The following KIF16B variants were observed in gnomAD, a reference collection of about 807,000 sequenced individuals.
KIF16B encodes the protein kinesin family member 16B.
In KIF16B, 98 loss-of-function variants were observed where a neutral mutation model predicts 156.3. That is an observed-to-expected ratio of 0.63 (90% CI 0.53 to 0.74). The LOEUF is 0.74. Among genes scored for constraint, KIF16B ranks in the 30% least tolerant of loss-of-function variants. The probability of loss-of-function intolerance (pLI) is 0.00; values close to 1 mark genes in which losing one functional copy is unlikely to be tolerated. For synonymous variants in KIF16B, 564 were observed against 583.7 expected, an observed-to-expected ratio of 0.97 and a Z score of 0.49; for missense variants, 1,421 against 1,606.5, an observed-to-expected ratio of 0.88 and a Z score of 1.97.
chr20:16,463,285 A>G (rs975993682), intron 12 of KIF16B, among the ~76,000 whole-genome samples: 4 of 152,128 alleles, frequency 2.6e-5, no homozygotes, highest in South Asian at 2.1e-4. Context: ...AACCTCAGGT[A>G]TTTCCCTGGA....
At chr20:16,310,678 A>T (rs1026140388) in intron 25 of KIF16B, among the ~76,000 whole-genome samples, 3 of 151,992 alleles carry the variant, frequency 2.0e-5, no homozygotes, top group African/African-American at 7.2e-5. Context: ...TAATTTTTTA[A>T]TTTTTTTTGT....
chr20:16,479,231 T>C (rs2067908362), intron 12 of KIF16B, among the ~76,000 whole-genome samples: 1 of 152,194 alleles, frequency 6.6e-6, no homozygotes, highest in African/African-American at 2.4e-5. Context: ...TGGAAGCCAT[T>C]ATTCTCAACA....
chr20:16,383,709 ATAGTCAAAAAGAATCAT>A (rs2065160289), intron 17 of KIF16B, among the ~76,000 whole-genome samples: 1 of 152,248 alleles, frequency 6.6e-6, no homozygotes, highest in Non-Finnish European at 1.5e-5. Context: ...AGATATTTAC[ATAGTCAAAAAGAATCAT>A]TGGATAAAAT....
intron 24 of KIF16B, among the ~76,000 whole-genome samples, chr20:16,329,952 A>G (rs1432263597): frequency 6.6e-6 from 1 of 152,240 alleles, no homozygotes; most frequent in Non-Finnish European, 1.5e-5. Context: ...ACATGCAGCA[A>G]ATCTGTCCTT....
intron 3 of KIF16B, among the ~76,000 whole-genome samples, chr20:16,516,387 C>A (rs887191394): frequency 1.1e-4 from 16 of 152,152 alleles, no homozygotes; most frequent in African/African-American, 3.9e-4. Flanking sequence ...TTCACCCAGA[C>A]AACTGATGGT....
chr20:16,406,585 G>A, intron 15 of KIF16B, 129 bp from the exon 16 acceptor site: 3 of 811,102 alleles, frequency 3.7e-6, no homozygotes, highest in Non-Finnish European at 5.9e-6. Context: ...GAAAGCTTTA[G>A]TCTCAAAAGT....
At chr20:16,358,845 G>A (rs894833441) in intron 22 of KIF16B, among the ~76,000 whole-genome samples, 1 of 152,212 alleles carries the variant, frequency 6.6e-6, no homozygotes, top group Non-Finnish European at 1.5e-5. Context: ...ACTTACCTTT[G>A]ACTTTCTAAA....
At chr20:16,364,245 A>G (rs1002949931) in intron 22 of KIF16B, among the ~76,000 whole-genome samples, 1 of 152,216 alleles carries the variant, frequency 6.6e-6, no homozygotes, top group East Asian at 1.9e-4. Context: ...AAGTCTGTAA[A>G]ACAGGCAGCT....
chr20:16,389,741 T>C (rs2065318755), intron 17 of KIF16B, among the ~76,000 whole-genome samples: 1 of 152,220 alleles, frequency 6.6e-6, no homozygotes, highest in South Asian at 2.1e-4. Context: ...TAGATGTTCC[T>C]TGAAGGCTAA....
intron 1 of KIF16B, among the ~76,000 whole-genome samples, chr20:16,556,339 G>C (rs576634263): frequency 6.6e-6 from 1 of 152,280 alleles, no homozygotes; most frequent in South Asian, 2.1e-4. Context: ...GAACCAACTG[G>C]TCACTAACTG....
chr20:16,479,531 T>C (rs1447258771), intron 12 of KIF16B, among the ~76,000 whole-genome samples: 1 of 151,920 alleles, frequency 6.6e-6, no homozygotes, highest in African/African-American at 2.4e-5. Flanking sequence ...AAAAAATTAA[T>C]ATTGAATAAA....
chr20:16,289,377 C>G (rs189686947), intron 25 of KIF16B, among the ~76,000 whole-genome samples: 2 of 152,220 alleles, frequency 1.3e-5, no homozygotes, highest in Non-Finnish European at 2.9e-5. Context: ...TAATTTTCCC[C>G]TCTTTTAAAT....
chr20:16,397,275 C>T (rs1417670279), intron 17 of KIF16B, among the ~76,000 whole-genome samples: 1 of 152,190 alleles, frequency 6.6e-6, no homozygotes, highest in Non-Finnish European at 1.5e-5. Context: ...GAACTAACTC[C>T]CAAAGGAAGT....
chr20:16,404,871 T>C lies in KIF16B; in HGVS notation c.1726A>G (p.Met576Val). ...SGLLSSFSLS[M>V]TDLSKSRENL... ...TCACGGGACTTCGAGAGGTCGGTCATGGACAAGCTGAAGGAGGACAGAAGG... is the reference window on the plus strand; with the variant it reads ...TCACGGGACTTCGAGAGGTCGGTCACGGACAAGCTGAAGGAGGACAGAAGG... The change falls in exon 17 of 26, where the codon ATG becomes GTG. Residue 576 changes from methionine to valine, a missense_variant. Transcript: ENST00000354981. 1 of 1,613,376 alleles carries C rather than the reference T, an allele frequency of 6.2e-7. No individual in the cohort carries two copies. Among genetic ancestry groups the C allele is most frequent in the Non-Finnish European group, 8.5e-7 (1 of 1,179,658 alleles).
chr20:16,445,445 T>TGTG (rs1568542633), intron 12 of KIF16B, among the ~76,000 whole-genome samples: 1 of 151,318 alleles, frequency 6.6e-6, no homozygotes, highest in Admixed American at 6.6e-5. Flanking sequence ...TGTGTGTGTG[T>TGTG]TTTAATCTAA....
At chr20:16,350,901 G>T (rs925049194) in intron 23 of KIF16B, among the ~76,000 whole-genome samples, 2 of 150,568 alleles carry the variant, frequency 1.3e-5, no homozygotes, top group Admixed American at 6.6e-5. Flanking sequence ...CTGGGGGGGG[G>T]TCTGTGTCAT....
chr20:16,371,753 G>C lies in KIF16B; in HGVS notation c.3359C>G (p.Ala1120Gly). 1 of 1,606,366 alleles carries C rather than the reference G, an allele frequency of 6.2e-7. No individual in the cohort carries two copies. Among genetic ancestry groups the C allele is most frequent in the South Asian group, 1.1e-5 (1 of 90,900 alleles). ...TCTTTGGACTTCTTCTTCAATGTAA[G>C]CATTGATCCTGTAACACAATGGAGA... ...LVPLMDARIN[A>G]YIEEEVQRRL... The change falls in exon 21 of 26, where the codon GCT becomes GGT. Residue 1120 changes from alanine to glycine, a missense_variant. Transcript: ENST00000354981.
Position 16,440,547 on chromosome 20 carries a change from A to G in KIF16B, c.1303-10565T>C, listed in dbSNP as rs1313898134. ...CACAAGCGCGCGCACACACACACAC[A>G]CACACACACACACACACACACACAC... On this transcript the variant is annotated intron_variant, in intron 12 of 25. Coordinates refer to ENST00000354981, the MANE Select transcript of KIF16B (RefSeq NM_024704.5). Among the ~76,000 whole-genome samples the G allele has an allele frequency of 4.4e-3, 380 of 87,160 alleles. 3 individuals are homozygous for G. The highest frequency in any genetic ancestry group is 0.015 in the South Asian group (50 of 3,378). The allele number at this position is 87,160 out of a possible 152,430, so 57.2% of individuals were successfully genotyped here. A position where few individuals can be genotyped will look rare whatever the true frequency, so the allele number is the denominator to read the frequency against.
At chr20:16,339,027 C>T (rs1001157811) in intron 23 of KIF16B, among the ~76,000 whole-genome samples, 1 of 152,046 alleles carries the variant, frequency 6.6e-6, no homozygotes, top group Non-Finnish European at 1.5e-5. Flanking sequence ...AAGGGAAAGG[C>T]AAGTCGAAAT....
Sources: allele counts gnomAD v4.1 joint callset (sites outside exome capture counted in the v4.1 genomes callset), GRCh38; gene constraint gnomAD v4.1.1; transcripts MANE v1.5; gene names NCBI Gene and HGNC (gene_info 2026-07-23, HGNC 2026-07-21).